The following MYSM1 variants were observed in gnomAD, a reference collection of about 807,000 sequenced individuals.
MYSM1 encodes deubiquitinase MYSM1.
A neutral mutation model predicts 116.0 loss-of-function variants in MYSM1; 51 were observed. That is an observed-to-expected ratio of 0.44 (90% CI 0.35 to 0.56). The LOEUF is 0.56. MYSM1 is among the 20% of genes least tolerant of loss of function. The pLI is 0.00. For synonymous variants in MYSM1, 313 were observed against 315.2 expected (o/e 0.99, Z 0.07); for missense variants, 900 against 974.9 (o/e 0.92, Z 1.02).
Position 58,695,125 on chromosome 1 carries a change from T to C in MYSM1, c.147+4A>G. 6.4e-7 allele frequency: 1 copy of C among 1,564,898 alleles called. No homozygotes were observed. Among genetic ancestry groups the C allele is most frequent in the Middle Eastern group, 1.7e-4 (1 of 5,964 alleles). ...TGCACCTGATATTTTTATAAAATACTTACAATAAGGCCATTCTCTGTTCTC... is the reference window on the plus strand; with the variant it reads ...TGCACCTGATATTTTTATAAAATACCTACAATAAGGCCATTCTCTGTTCTC... On this transcript the variant is annotated splice_donor_region_variant and intron_variant, in intron 2 of 19. Transcript: ENST00000472487.
chr1:58,689,803 A>C (rs1413880232), intron 5 of MYSM1: 1 of 158,256 alleles, frequency 6.3e-6, no homozygotes, highest in Non-Finnish European at 1.4e-5. Flanking sequence ...ATGTTTTTTC[A>C]ATTATAGGGA....
At position 58,673,707 on chromosome 1, in the gene MYSM1, G is replaced by A. The variant is rs1051451406; in HGVS notation, c.1495-57C>T. On this transcript the variant is annotated intron_variant, in intron 10 of 19. Coordinates refer to ENST00000472487, the MANE Select transcript of MYSM1 (RefSeq NM_001085487.3). ...GCAAGATTAATATGGAGAAATCATA[G>A]CACATTAATACACAAAATGAAAACA... The A allele has an allele frequency of 2.9e-6, 4 of 1,366,904 alleles. No individual in the cohort carries two copies. In the African/African-American group the frequency reaches 4.3e-5, roughly 15 times the overall value. 84.7% of individuals were successfully genotyped at this position (1,366,904 alleles called of 1,614,324 possible). A position where few individuals can be genotyped will look rare whatever the true frequency, so the allele number is the denominator to read the frequency against.
chr1:58,676,514 G>A (rs888494722), intron 9 of MYSM1, among the ~76,000 whole-genome samples: 1 of 151,644 alleles, frequency 6.6e-6, no homozygotes, highest in African/African-American at 2.4e-5. Context: ...ATATTTTGAC[G>A]CTTTTATCAC....
At position 58,682,192 on chromosome 1, in the gene MYSM1, C is replaced by CTTT. The variant is rs1557518739; in HGVS notation, c.849_851dup (p.Lys284dup). 13 of 1,612,832 alleles carry CTTT rather than the reference C, an allele frequency of 8.1e-6. No homozygotes were observed. The highest frequency in any genetic ancestry group is 1.1e-5 in the Non-Finnish European group (13 of 1,178,990). On this transcript the variant is annotated inframe_insertion, in exon 8 of 20. Coordinates refer to ENST00000472487, the MANE Select transcript of MYSM1 (RefSeq NM_001085487.3). Reference sequence around the variant, plus strand: ...CTGAGCTTGAAAGTGTTTCATCTTGCTTTTCATTTTGAAGACAGCCCCTGG... The same window carrying CTTT: ...CTGAGCTTGAAAGTGTTTCATCTTGCTTTTTTTCATTTTGAAGACAGCCCCTGG...
intron 11 of MYSM1, among the ~76,000 whole-genome samples, chr1:58,672,223 CA>C (rs1644572871): frequency 6.6e-6 from 1 of 152,168 alleles, no homozygotes. Flanking sequence ...CACCCAGGTT[CA>C]AAAACGTCAG....
At chr1:58,671,231 A>G (rs769777773) in intron 12 of MYSM1, among the ~76,000 whole-genome samples, 1 of 152,188 alleles carries the variant, frequency 6.6e-6, no homozygotes, top group Non-Finnish European at 1.5e-5. Flanking sequence ...GTTGTCATGA[A>G]GACTATATGA....
chr1:58,680,060 C>T (rs1328217897), intron 8 of MYSM1, among the ~76,000 whole-genome samples: 2 of 149,890 alleles, frequency 1.3e-5, no homozygotes, highest in East Asian at 3.9e-4. Flanking sequence ...GGTTGTGAGC[C>T]ACTACTCCTG....
At chr1:58,669,804 C>T (rs1426103751) in intron 12 of MYSM1, among the ~76,000 whole-genome samples, 1 of 131,664 alleles carries the variant, frequency 7.6e-6, no homozygotes, top group Non-Finnish European at 1.5e-5. Flanking sequence ...CTACTCCACT[C>T]CAGCCTGGGT....
At position 58,656,905 on chromosome 1, in the gene MYSM1, A is replaced by T. The variant is rs1644325986; in HGVS notation, c.*3092T>A. 1.3e-5 allele frequency: 2 copies of T among 152,324 alleles called. No individual in the cohort carries two copies. Among genetic ancestry groups the T allele is most frequent in the South Asian group, 4.1e-4 (2 of 4,830 alleles). The allele number at this position is 152,324 out of a possible 1,614,324, so 9.4% of individuals were successfully genotyped here. On this transcript the variant is annotated 3_prime_UTR_variant, in exon 20 of 20. Transcript: ENST00000472487. Reference sequence around the variant, plus strand: ...TTTAATCTAAAATATTAATACATTCATTTCATACAGATACAATTGTAAAAT... The same window carrying T: ...TTTAATCTAAAATATTAATACATTCTTTTCATACAGATACAATTGTAAAAT...
chr1:58,678,117 T>C (rs987996786), intron 8 of MYSM1, among the ~76,000 whole-genome samples: 9 of 152,224 alleles, frequency 5.9e-5, no homozygotes, highest in Admixed American at 5.9e-4. Context: ...GTAGCAATAG[T>C]GCTAAGTAAG....
In MYSM1 at chr1:58,685,163, A is replaced by C. The variant is rs1644809032; in HGVS notation, c.488T>G (p.Phe163Cys). ...TGATATTCTGCTTACCTTATTTTTA[A>C]AATACTGTCTTGCATAACTCTTCAC... ...LQVKSYARQY[F>C]KNKVKCGLDK... The change falls in exon 7 of 20, where the codon TTT (phenylalanine) becomes TGT (cysteine). Residue 163 changes from phenylalanine (F) to cysteine (C), a missense_variant. Coordinates refer to ENST00000472487, the MANE Select transcript of MYSM1 (RefSeq NM_001085487.3). 3 of 1,583,856 alleles carry C rather than the reference A, an allele frequency of 1.9e-6. No individual in the cohort carries two copies. Among genetic ancestry groups the C allele is most frequent in the Non-Finnish European group, 2.6e-6 (3 of 1,170,196 alleles).
intron 17 of MYSM1, among the ~76,000 whole-genome samples, chr1:58,663,976 G>A (rs1197010575): frequency 6.6e-6 from 1 of 152,116 alleles, no homozygotes; most frequent in Non-Finnish European, 1.5e-5. Context: ...GCTGCTAAAT[G>A]TTGTGTTTAA....
rs772667475 is a variant in MYSM1, at chr1:58,690,334, T to A, written c.296+6A>T. On this transcript the variant is annotated splice_donor_region_variant and intron_variant, in intron 4 of 19. Coordinates refer to ENST00000472487, the MANE Select transcript of MYSM1 (RefSeq NM_001085487.3). ...GACTTTTAGAAATATTATAAATTGA[T>A]TTTACCTCTTCATGTATTTTTTATC... is the stretch of plus-strand genomic sequence containing the variant. The A allele has an allele frequency of 6.3e-7, 1 of 1,597,546 alleles. No homozygotes were observed. The highest frequency in any genetic ancestry group is 8.5e-7 in the Non-Finnish European group (1 of 1,173,002).
intron 13 of MYSM1, 100 bp downstream of exon 13, chr1:58,668,884 T>C (rs1218397599): frequency 3.9e-6 from 4 of 1,027,870 alleles, no homozygotes; most frequent in Non-Finnish European, 5.8e-6. Flanking sequence ...TTCAGTCTTT[T>C]TATACATATG....
At chr1:58,674,796 G>A (rs758244373) in intron 10 of MYSM1, among the ~76,000 whole-genome samples, 5 of 151,702 alleles carry the variant, frequency 3.3e-5, no homozygotes, top group South Asian at 4.2e-4. Flanking sequence ...GTGTGATGGC[G>A]GGCACCTGTA....
At chr1:58,678,753 T>C (rs1385050144) in intron 8 of MYSM1, among the ~76,000 whole-genome samples, 1 of 152,218 alleles carries the variant, frequency 6.6e-6, no homozygotes, top group African/African-American at 2.4e-5. Flanking sequence ...GATAAGCCTC[T>C]AATTTCCCTC....
intron 9 of MYSM1, among the ~76,000 whole-genome samples, chr1:58,676,146 C>A (rs2406931): frequency 6.6e-6 from 1 of 151,920 alleles, no homozygotes; most frequent in Non-Finnish European, 1.5e-5. Flanking sequence ...AGGTCAGGCG[C>A]GGTGGCTCAC....
Position 58,661,442 on chromosome 1 carries a change from G to A in MYSM1, c.2234C>T (p.Thr745Ile). 3.1e-6 allele frequency: 5 copies of A among 1,605,492 alleles called. No individual in the cohort carries two copies. The highest frequency in any genetic ancestry group is 4.3e-6 in the Non-Finnish European group (5 of 1,172,596). ...CCTGTATTTTTCTATTATCCATCTT[G>A]TCTTTTCAAATACTAATCCCCACTG... The part of the protein sequence containing the change: ...EPQWGLVFEK[T>I]RWIIEKYRLS... The change falls in exon 18 of 20, where the codon ACA (threonine) becomes ATA (isoleucine). Residue 745 changes from threonine (T) to isoleucine (I), a missense_variant. This residue lies in a region of MYSM1 where 186 missense variants were observed against 196.2 expected (regional missense o/e 0.95). Transcript: ENST00000472487.
intron 7 of MYSM1, among the ~76,000 whole-genome samples, chr1:58,684,556 C>CT (rs1644797632): frequency 7.4e-6 from 1 of 135,734 alleles, no homozygotes; most frequent in Admixed American, 7.6e-5. Flanking sequence ...CAGAGCAAGA[C>CT]TCTGTCTCAA....
Sources: allele counts gnomAD v4.1 joint callset (sites outside exome capture counted in the v4.1 genomes callset), GRCh38; gene constraint gnomAD v4.1.1; regional missense constraint gnomAD v4.1.1; transcripts MANE v1.5; gene names NCBI Gene and HGNC (gene_info 2026-07-23, HGNC 2026-07-21).